Variants in SLX4 observed in about 807,000 individuals in gnomAD.
SLX4 encodes SLX4 structure-specific endonuclease subunit.
Under a neutral mutation model 146.2 loss-of-function variants are expected in SLX4, and 112 were observed. The observed-to-expected ratio is 0.77, with a 90% CI of 0.66 to 0.90. SLX4 has a LOEUF of 0.90. Among genes scored for constraint, SLX4 ranks in the 40% least tolerant of loss-of-function variants. SLX4 has a pLI of 0.00. For missense variants in SLX4, 2,563 were observed against 2,392.7 expected, an observed-to-expected ratio of 1.07 and a Z score of -1.49; for synonymous variants, 1,061 against 997.7, an observed-to-expected ratio of 1.06 and a Z score of -1.20.
chr16:3,596,312 C>T lies in SLX4; in HGVS notation c.1765G>A (p.Gly589Ser), dbSNP rs553750741. The stretch of plus-strand genomic sequence containing the variant: ...GAGCCACAGCCTGCAGTGGGGGTGC[C>T]GTGGAGAGCGGGTGACCTTCGCTCG... ...LSERRSPALH[G>S]TPTAGCGSRG... is the part of the protein sequence containing the mutation. The change falls in exon 8 of 15, where the codon GGC (glycine) becomes AGC (serine). Residue 589 changes from glycine to serine, a missense_variant. Transcript: ENST00000294008. 24 of 1,578,574 alleles carry T rather than the reference C, an allele frequency of 1.5e-5. No homozygotes were observed. Among genetic ancestry groups the T allele is most frequent in the South Asian group, 5.8e-5 (5 of 86,826 alleles).
chr16:3,588,872 G>A (rs543228158), intron 12 of SLX4, 130 bp downstream of exon 12: 15 of 1,142,382 alleles, frequency 1.3e-5, no homozygotes, highest in Middle Eastern at 2.1e-4. Flanking sequence ...GGAAGGCAGC[G>A]GAAGTGTCAT....
intron 12 of SLX4, among the ~76,000 whole-genome samples, chr16:3,588,405 C>T (rs1269301595): frequency 2.6e-5 from 4 of 152,264 alleles, no homozygotes; most frequent in African/African-American, 9.6e-5. Context: ...TGTGGCAGTG[C>T]CTCACTCCTC....
intron 12 of SLX4, among the ~76,000 whole-genome samples, chr16:3,588,124 T>A (rs1239585311): frequency 1.3e-5 from 2 of 152,210 alleles, no homozygotes; most frequent in Non-Finnish European, 2.9e-5. Flanking sequence ...AAGGGAATAA[T>A]TCAGTGGCAT....
Position 3,583,361 on chromosome 16 carries a change from G to A in SLX4, c.4889C>T (p.Ala1630Val), listed in dbSNP as rs886051977. 1.2e-6 allele frequency: 2 copies of A among 1,613,204 alleles called. No homozygotes were observed. Among genetic ancestry groups the A allele is most frequent in the African/African-American group, 1.3e-5 (1 of 74,864 alleles). ...CCTTGAAGGCTTGTAGGTCTGGGAG[G>A]CGAGGGTCTGGCAGTGAGGCGCCTG... ...LLQAPHCQTL[A>V]SQTYKPSRAG... The change falls in exon 14 of 15, where the codon GCC (alanine) becomes GTC (valine). Residue 1630 changes from alanine (A) to valine (V), a missense_variant. Physicochemically the swap from Ala to Val is moderately conservative, Grantham distance 64. Coordinates refer to ENST00000294008, the MANE Select transcript of SLX4 (RefSeq NM_032444.4).
chr16:3,600,442 G>A (rs75891664), intron 5 of SLX4, among the ~76,000 whole-genome samples: 7,602 of 152,132 alleles, frequency 0.05, 246 homozygotes, highest in Admixed American at 0.068. Flanking sequence ...GATCATTTCT[G>A]CACCCCCCTA....
intron 11 of SLX4, among the ~76,000 whole-genome samples, chr16:3,592,204 C>G (rs1185667858): frequency 6.6e-6 from 1 of 152,246 alleles, no homozygotes; most frequent in African/African-American, 2.4e-5. Context: ...CGGCCCAGGC[C>G]CTGTCCAGAG....
At chr16:3,594,706 AG>A in intron 9 of SLX4, 107 bp from the exon 10 acceptor site, 1 of 1,468,866 alleles carries the variant, frequency 6.8e-7, no homozygotes, top group Non-Finnish European at 9.4e-7. Context: ...GCCGGGAGCC[AG>A]GACCTGCATT....
intron 4 of SLX4, 114 bp downstream of exon 4, chr16:3,602,004 C>T: frequency 7.8e-7 from 1 of 1,276,806 alleles, no homozygotes; most frequent in Admixed American, 1.8e-5. Flanking sequence ...AGGTTGACAA[C>T]AAAGCTGAGG....
rs1265867069 is a variant in SLX4 at position 3,582,549 on chromosome 16, C to T, written c.5298G>A (p.Leu1766=). Residue 1766 remains leucine, a synonymous_variant, in exon 15 of 15, where the codon CTG becomes CTA. Coordinates refer to ENST00000294008, the MANE Select transcript of SLX4 (RefSeq NM_032444.4). Reference sequence around the variant, plus strand: ...GCTGGTACAGCAGCACCTTCTGGTACAGGGCCGGCTTGGAGCGGATGTAGC... The same window carrying T: ...GCTGGTACAGCAGCACCTTCTGGTATAGGGCCGGCTTGGAGCGGATGTAGC... The part of the protein sequence containing the change: ...LRCYIRSKPA[L]YQKVLLYQPF... The T allele has an allele frequency of 1.9e-6, 3 of 1,613,822 alleles. No individual in the cohort carries two copies. The highest frequency in any genetic ancestry group is 1.7e-5 in the Admixed American group (1 of 60,002).
Position 3,591,157 on chromosome 16 carries a change from C to G in SLX4, c.2481G>C (p.Glu827Asp). ...ELLRSMWADE[E>D]EEAETLLKSK... is the part of the protein sequence containing the mutation. ...ATTTCAACAAAGTCTCCGCTTCCTC[C>G]TCTTCATCTGCCCACATTGACCTCA... The change falls in exon 12 of 15, where the codon GAG (glutamate) becomes GAC (aspartate). Residue 827 changes from glutamate to aspartate, a missense_variant. Coordinates refer to ENST00000294008, the MANE Select transcript of SLX4 (RefSeq NM_032444.4). 6.2e-7 allele frequency: 1 copy of G among 1,614,224 alleles called. No individual in the cohort carries two copies. The highest frequency in any genetic ancestry group is 1.1e-5 in the South Asian group (1 of 91,088).
intron 10 of SLX4, among the ~76,000 whole-genome samples, chr16:3,593,917 G>A (rs2040619942): frequency 6.6e-6 from 1 of 152,184 alleles, no homozygotes; most frequent in African/African-American, 2.4e-5. Context: ...TGTCGCCCAG[G>A]CTGGAGTGCA....
At position 3,582,372 on chromosome 16, in the gene SLX4, A is replaced by G; in HGVS notation, c.5475T>C (p.Pro1825=). Residue 1825 remains proline, a synonymous_variant, in exon 15 of 15, where the codon CCT becomes CCC. Transcript: ENST00000294008. ...TCCGCTCCACCTTCTTCTTGCCCCG[A>G]GGCTGCCGCCTCCTGCCCTGGAGCT... ...REKLQGRRRQ[P]RGKKKVERN The G allele has an allele frequency of 1.9e-6, 3 of 1,613,292 alleles. No individual in the cohort carries two copies. Among genetic ancestry groups the G allele is most frequent in the Non-Finnish European group, 2.5e-6 (3 of 1,180,010 alleles).
At chr16:3,596,785 C>T (rs1165518585) in intron 7 of SLX4, among the ~76,000 whole-genome samples, 1 of 151,660 alleles carries the variant, frequency 6.6e-6, no homozygotes, top group Non-Finnish European at 1.5e-5. Context: ...AGTTTCCGGG[C>T]TCCATCTGAG....
rs116380026 is a variant in SLX4 at position 3,591,513 on chromosome 16, C to T, written c.2328-203G>A. On this transcript the variant is annotated intron_variant, in intron 11 of 14. Transcript: ENST00000294008. ...TTCCAGAAACCGGGGACTGACAACACTTAAAGCAGGGCTTCCTAACTATAG... is the reference window on the plus strand; with the variant it reads ...TTCCAGAAACCGGGGACTGACAACATTTAAAGCAGGGCTTCCTAACTATAG... Among the ~76,000 whole-genome samples the T allele has an allele frequency of 3.4e-3, 512 of 152,304 alleles. 4 individuals are homozygous for T. The highest frequency in any genetic ancestry group is 0.012 in the African/African-American group (480 of 41,566).
rs1596533014 is a variant in SLX4, at chr16:3,606,487, C to T, written c.747G>A (p.Met249Ile). The T allele has an allele frequency of 6.2e-7, 1 of 1,614,246 alleles. No individual in the cohort carries two copies. Residue 249 changes from methionine (M) to isoleucine (I), a missense_variant, in exon 3 of 15, where the codon ATG becomes ATA. Transcript: ENST00000294008. ...ENVPKDPQEE[M>I]MAGNVYGLGP... ...CACTCATCATACCATTCCCCGCCAT[C>T]ATCTCCTCTTGAGGATCCTTTGGGA...
intron 3 of SLX4, among the ~76,000 whole-genome samples, chr16:3,604,001 G>C (rs2040756665): frequency 6.6e-6 from 1 of 152,108 alleles, no homozygotes; most frequent in African/African-American, 2.4e-5. Context: ...AGGCTGAGGA[G>C]GGCAGATCCC....
At chr16:3,586,160 A>G (rs2040506140) in intron 12 of SLX4, among the ~76,000 whole-genome samples, 1 of 152,080 alleles carries the variant, frequency 6.6e-6, no homozygotes, top group Non-Finnish European at 1.5e-5. Context: ...AACCAAGAAG[A>G]AGGAAAACAT....
intron 10 of SLX4, among the ~76,000 whole-genome samples, chr16:3,593,770 G>C (rs1348363671): frequency 6.6e-6 from 1 of 152,198 alleles, no homozygotes; most frequent in East Asian, 1.9e-4. Flanking sequence ...TCAGAAGGCA[G>C]GTTCATCAGC....
chr16:3,596,246 C>T lies in SLX4; in HGVS notation c.1831G>A (p.Ala611Thr), dbSNP rs1237482219. Reference protein sequence around the residue: ...SPSASQREHQALQDLVDLARE... With the variant: ...SPSASQREHQTLQDLVDLARE... ...GCCAGGTCCACGAGGTCCTGCAGGGCCTGGTGCTCCCTCTGGCTGGCCGAA... is the reference window on the plus strand; with the variant it reads ...GCCAGGTCCACGAGGTCCTGCAGGGTCTGGTGCTCCCTCTGGCTGGCCGAA... Residue 611 changes from alanine (A) to threonine (T), a missense_variant, in exon 8 of 15, where the codon GCC (alanine) becomes ACC (threonine). Physicochemically the swap from Ala to Thr is moderately conservative, Grantham distance 58. Transcript: ENST00000294008. 8 of 1,555,918 alleles carry T rather than the reference C, an allele frequency of 5.1e-6. No individual in the cohort carries two copies. The Middle Eastern group carries it at 8.4e-4, about 164-fold the overall frequency.
Sources: gnomAD v4.1 joint callset for allele counts (sites outside exome capture counted in the v4.1 genomes callset) on GRCh38, gnomAD v4.1.1 for gene constraint, MANE v1.5 for transcripts, NCBI Gene and HGNC (gene_info 2026-07-23, HGNC 2026-07-21) for gene names.